The following BRD7 variants were observed in gnomAD, a reference collection of about 807,000 sequenced individuals.
BRD7 encodes the protein bromodomain-containing protein 7.
Under a neutral mutation model 82.1 loss-of-function variants are expected in BRD7, and 15 were observed. The ratio of observed to expected loss-of-function variants is 0.18; its 90% confidence interval spans 0.12 to 0.28. BRD7 has a LOEUF of 0.28. BRD7 is among the 10% of genes least tolerant of loss of function. The pLI is 1.00. For missense variants in BRD7, 638 were observed against 779.9 expected, an observed-to-expected ratio of 0.82 and a Z score of 2.17; for synonymous variants, 232 against 266.9, an observed-to-expected ratio of 0.87 and a Z score of 1.27.
At chr16:50,363,641 T>TGTG (rs2039012877) in intron 2 of BRD7, among the ~76,000 whole-genome samples, 7 of 149,174 alleles carry the variant, frequency 4.7e-5, no homozygotes, top group African/African-American at 1.3e-4. Context: ...CGTTGTGTGT[T>TGTG]TGTGTGTGTG....
Position 50,351,359 on chromosome 16 carries a change from GA to G in BRD7, c.447-1193del, listed in dbSNP as rs1379295524. Among the ~76,000 whole-genome samples the G allele has an allele frequency of 3.3e-5, 5 of 152,314 alleles. No individual in the cohort carries two copies. In the East Asian group the frequency reaches 9.6e-4, roughly 29 times the overall value. The stretch of plus-strand genomic sequence containing the variant: ...TCACAGCAGGATGCCTAAGCAGTGA[GA>G]CTAAAAAATGACAACAAGCAAAAAT... On this transcript the variant is annotated intron_variant, in intron 4 of 16. Transcript: ENST00000394688.
At chr16:50,345,230 T>G (rs1034138585) in intron 5 of BRD7, among the ~76,000 whole-genome samples, 1 of 152,216 alleles carries the variant, frequency 6.6e-6, no homozygotes, top group African/African-American at 2.4e-5. Flanking sequence ...ACAGATTTTG[T>G]CATCACCAGG....
chr16:50,351,735 T>C (rs1003613682), intron 4 of BRD7, among the ~76,000 whole-genome samples: 1 of 152,210 alleles, frequency 6.6e-6, no homozygotes, highest in Non-Finnish European at 1.5e-5. Flanking sequence ...TTGTTTCTAA[T>C]TGACATATAA....
At chr16:50,362,683 T>C (rs150789368) in intron 2 of BRD7, among the ~76,000 whole-genome samples, 20 of 152,282 alleles carry the variant, frequency 1.3e-4, no homozygotes, top group African/African-American at 3.4e-4. Flanking sequence ...CTAAATGATA[T>C]AGGACAGCTA....
At chr16:50,342,015 G>A (rs1019864245) in intron 5 of BRD7, among the ~76,000 whole-genome samples, 11 of 150,714 alleles carry the variant, frequency 7.3e-5, no homozygotes, top group African/African-American at 2.7e-4. Flanking sequence ...ACTTTAGGCC[G>A]TTGAGCTTTC....
At chr16:50,350,705 G>A (rs1597079657) in intron 4 of BRD7, among the ~76,000 whole-genome samples, 1 of 152,128 alleles carries the variant, frequency 6.6e-6, no homozygotes, top group Admixed American at 6.5e-5. Context: ...AAATACCTCC[G>A]TATGTGTGCC....
At chr16:50,353,064 G>C (rs2038598463) in intron 4 of BRD7, among the ~76,000 whole-genome samples, 1 of 125,372 alleles carries the variant, frequency 8.0e-6, no homozygotes, top group Non-Finnish European at 1.7e-5. Context: ...AGAGAGATCA[G>C]TAAGTTCTTT....
intron 2 of BRD7, among the ~76,000 whole-genome samples, chr16:50,357,846 T>C (rs978788920): frequency 3.9e-5 from 6 of 152,006 alleles, no homozygotes; most frequent in African/African-American, 1.5e-4. Flanking sequence ...CTGCGGGTGG[T>C]GGTGCACGCC....
intron 5 of BRD7, among the ~76,000 whole-genome samples, chr16:50,347,000 A>T (rs2038311403): frequency 6.6e-6 from 1 of 152,248 alleles, no homozygotes. Flanking sequence ...ACATCGATGC[A>T]AAAATCCTCA....
At chr16:50,362,663 G>A (rs962587161) in intron 2 of BRD7, among the ~76,000 whole-genome samples, 1 of 152,280 alleles carries the variant, frequency 6.6e-6, no homozygotes, top group African/African-American at 2.4e-5. Context: ...CGAACCTTGA[G>A]GACATTGTGC....
At chr16:50,364,001 T>C in intron 2 of BRD7, among the ~76,000 whole-genome samples, 1 of 151,288 alleles carries the variant, frequency 6.6e-6, no homozygotes, top group East Asian at 1.9e-4. Flanking sequence ...AGTTTGAAGC[T>C]GCAGTGGACC....
intron 9 of BRD7, 84 bp downstream of exon 9, chr16:50,328,585 G>T: frequency 8.5e-7 from 1 of 1,179,712 alleles, no homozygotes; most frequent in South Asian, 1.4e-5. Flanking sequence ...CAATATTCAA[G>T]CTTGTTGCTT....
chr16:50,355,311 A>G (rs1385441513), intron 2 of BRD7, among the ~76,000 whole-genome samples: 2 of 152,234 alleles, frequency 1.3e-5, no homozygotes, highest in Non-Finnish European at 2.9e-5. Flanking sequence ...CAAGTTATCA[A>G]TACATTCGAT....
chr16:50,329,295 CAA>C lies in BRD7; in HGVS notation c.1012-553_1012-552del, dbSNP rs886461445. 5.9e-5 allele frequency among the ~76,000 whole-genome samples: 9 copies of C among 152,076 alleles called. 1 individual carries two copies. Among genetic ancestry groups the C allele is most frequent in the Admixed American group, 5.9e-4 (9 of 15,272 alleles). ...GGCCACCTAGTCCTCCCCAGTCTAT[CAA>C]AAAAGGCTACTATGGACCAGGTGAG... On this transcript the variant is annotated intron_variant, in intron 8 of 16. Transcript: ENST00000394688.
intron 5 of BRD7, among the ~76,000 whole-genome samples, chr16:50,341,027 C>G (rs1456911500): frequency 6.6e-6 from 1 of 152,074 alleles, no homozygotes. Context: ...GTTCTATGTA[C>G]AAGTACGTAA....
Position 50,333,663 on chromosome 16 carries a change from T to C in BRD7, c.922A>G (p.Ser308Gly), listed in dbSNP as rs1468797891. The change falls in exon 8 of 17, where the codon AGC becomes GGC. Residue 308 changes from serine to glycine, a missense_variant. By Grantham distance (56) the Ser-to-Gly change is moderately conservative. This residue lies in a region of BRD7 where 402 missense variants were observed against 500.8 expected (regional missense o/e 0.80). Coordinates refer to ENST00000394688, the MANE Select transcript of BRD7 (RefSeq NM_013263.5). The stretch of plus-strand genomic sequence containing the variant: ...TCCTGCTCTCTCTCTAAATTATTGC[T>C]TTTAAACTTATCTTCAAGCATATCT... ...DKDMLEDKFK[S>G]NNLEREQEQL... 1 of 1,604,444 alleles carries C rather than the reference T, an allele frequency of 6.2e-7. No homozygotes were observed. Among genetic ancestry groups the C allele is most frequent in the South Asian group, 1.1e-5 (1 of 90,782 alleles).
chr16:50,368,469 C>T, intron 1 of BRD7, 171 bp from the exon 2 acceptor site: 1 of 815,780 alleles, frequency 1.2e-6, no homozygotes, highest in Non-Finnish European at 1.9e-6. Flanking sequence ...GCGGCGCCGC[C>T]CGCCCCGAAC....
chr16:50,368,049 C>T (rs2039215218), intron 2 of BRD7, 41 bp downstream of exon 2: 1 of 1,595,226 alleles, frequency 6.3e-7, no homozygotes, highest in South Asian at 1.1e-5. Flanking sequence ...CTGGAAGAGG[C>T]AGTGCCGTCC....
intron 4 of BRD7, among the ~76,000 whole-genome samples, chr16:50,352,831 C>A (rs1158474358): frequency 6.7e-6 from 1 of 150,114 alleles, no homozygotes; most frequent in Non-Finnish European, 1.5e-5. Flanking sequence ...TGAATGTCTT[C>A]TTTTAATTAA....
Sources: allele counts gnomAD v4.1 joint callset (sites outside exome capture counted in the v4.1 genomes callset), GRCh38; gene constraint gnomAD v4.1.1; regional missense constraint gnomAD v4.1.1; transcripts MANE v1.5; gene names NCBI Gene and HGNC (gene_info 2026-07-23, HGNC 2026-07-21).